The following SPOCK1 variants were observed in gnomAD, a reference collection of about 807,000 sequenced individuals.
SPOCK1 encodes SPARC (osteonectin), cwcv and kazal like domains proteoglycan 1.
SPOCK1 carries 23 observed loss-of-function variants against 55.3 expected under a neutral mutation model. That is an observed-to-expected ratio of 0.42 (90% CI 0.30 to 0.59). The LOEUF is 0.59. SPOCK1 is among the 20% of genes least tolerant of loss of function. The probability of loss-of-function intolerance (pLI) is 0.22; values close to 1 mark genes in which losing one functional copy is unlikely to be tolerated. For missense variants in SPOCK1, 499 were observed against 552.5 expected, an observed-to-expected ratio of 0.90 and a Z score of 0.97; for synonymous variants, 226 against 221.0, an observed-to-expected ratio of 1.02 and a Z score of -0.20.
chr5:137,133,523 T>C (rs1753923669), intron 4 of SPOCK1, among the ~76,000 whole-genome samples: 1 of 152,228 alleles, frequency 6.6e-6, no homozygotes, highest in South Asian at 2.1e-4. Flanking sequence ...AATTGCTTTT[T>C]ACTCTCTGCT....
chr5:137,238,836 T>C (rs960130735), intron 3 of SPOCK1, among the ~76,000 whole-genome samples: 1 of 152,258 alleles, frequency 6.6e-6, no homozygotes, highest in African/African-American at 2.4e-5. Flanking sequence ...GATAGTGAGA[T>C]ATACACTTGA....
chr5:137,140,597 G>A lies in SPOCK1; in HGVS notation c.330C>T (p.Arg110=). ...TGCCTTACCTGGGGAGCAGGTGCTTGCGGCTGACACACAGGGCGGTCTGGT... is the reference window on the plus strand; with the variant it reads ...TGCCTTACCTGGGGAGCAGGTGCTTACGGCTGACACACAGGGCGGTCTGGT... ...QDYQTALCVS[R]KHLLPRQKKG... Residue 110 remains arginine, a synonymous_variant, in exon 4 of 11, where the codon CGC becomes CGT. Coordinates refer to ENST00000394945, the MANE Select transcript of SPOCK1 (RefSeq NM_004598.4). The A allele has an allele frequency of 6.2e-7, 1 of 1,613,544 alleles. No individual in the cohort carries two copies. The highest frequency in any genetic ancestry group is 8.5e-7 in the Non-Finnish European group (1 of 1,179,806).
intron 3 of SPOCK1, among the ~76,000 whole-genome samples, chr5:137,205,699 A>G (rs546923577): frequency 1.3e-5 from 2 of 152,342 alleles, no homozygotes; most frequent in East Asian, 3.9e-4. Flanking sequence ...TGAAGGTCAA[A>G]CAACATTTCT....
At chr5:137,294,084 T>C (rs1337416058) in intron 2 of SPOCK1, among the ~76,000 whole-genome samples, 1 of 152,204 alleles carries the variant, frequency 6.6e-6, no homozygotes, top group Non-Finnish European at 1.5e-5. Flanking sequence ...AATGACCTCT[T>C]GAAATATCAC....
At chr5:137,041,732 C>A (rs985367734) in intron 6 of SPOCK1, among the ~76,000 whole-genome samples, 6 of 152,142 alleles carry the variant, frequency 3.9e-5, no homozygotes, top group Non-Finnish European at 2.9e-5. Context: ...TAGGGAAATA[C>A]AAATTCAAAC....
intron 6 of SPOCK1, among the ~76,000 whole-genome samples, chr5:137,055,972 C>G (rs905786591): frequency 6.6e-6 from 1 of 152,162 alleles, no homozygotes; most frequent in Non-Finnish European, 1.5e-5. Context: ...ACCTAAGTCA[C>G]CTACAAAACC....
intron 2 of SPOCK1, among the ~76,000 whole-genome samples, chr5:137,315,981 C>T (rs962799788): frequency 6.6e-6 from 1 of 152,104 alleles, no homozygotes; most frequent in African/African-American, 2.4e-5. Flanking sequence ...AGAGGTGAGC[C>T]GCTAGTTGTT....
intron 3 of SPOCK1, among the ~76,000 whole-genome samples, chr5:137,200,927 G>T (rs1755414104): frequency 2.0e-5 from 3 of 152,336 alleles, no homozygotes; most frequent in South Asian, 4.1e-4. Context: ...GAATTGAAAA[G>T]TTGGGCCAGT....
intron 3 of SPOCK1, among the ~76,000 whole-genome samples, chr5:137,209,176 T>C (rs945218768): frequency 2.6e-5 from 4 of 152,192 alleles, no homozygotes; most frequent in Non-Finnish European, 5.9e-5. Flanking sequence ...TGTAGCCTCT[T>C]GAATGTGGCA....
At chr5:137,498,609 A>T in intron 1 of SPOCK1, 51 bp from the exon 2 acceptor site, 1 of 1,255,934 alleles carries the variant, frequency 8.0e-7, no homozygotes, top group Non-Finnish European at 1.0e-6. Context: ...GGCGGCCGCG[A>T]GCCCCGGGCA....
At chr5:137,364,148 C>T (rs1751007982) in intron 2 of SPOCK1, among the ~76,000 whole-genome samples, 1 of 152,202 alleles carries the variant, frequency 6.6e-6, no homozygotes, top group African/African-American at 2.4e-5. Context: ...GAATACCCAG[C>T]CTGCCCCTTC....
At chr5:137,404,151 CAT>C (rs1475709809) in intron 2 of SPOCK1, among the ~76,000 whole-genome samples, 1 of 152,100 alleles carries the variant, frequency 6.6e-6, no homozygotes, top group African/African-American at 2.4e-5. Flanking sequence ...CTCAAATGCG[CAT>C]ATGTGGCCAA....
At chr5:137,105,819 T>C (rs1753353577) in intron 5 of SPOCK1, among the ~76,000 whole-genome samples, 1 of 152,166 alleles carries the variant, frequency 6.6e-6, no homozygotes, top group Non-Finnish European at 1.5e-5. Context: ...CGAGACATAA[T>C]TGAGCCATTT....
chr5:137,248,482 T>A (rs780086610), intron 3 of SPOCK1, among the ~76,000 whole-genome samples: 2 of 152,234 alleles, frequency 1.3e-5, no homozygotes, highest in Non-Finnish European at 2.9e-5. Flanking sequence ...AAGCAACAGC[T>A]ACTTCTGTGG....
At chr5:136,984,267 A>T (rs1367740356) in intron 9 of SPOCK1, among the ~76,000 whole-genome samples, 1 of 152,224 alleles carries the variant, frequency 6.6e-6, no homozygotes, top group Non-Finnish European at 1.5e-5. Flanking sequence ...CCTACATTTG[A>T]CAATCTGCAA....
intron 5 of SPOCK1, among the ~76,000 whole-genome samples, chr5:137,102,353 C>G (rs1753287219): frequency 6.6e-6 from 1 of 152,062 alleles, no homozygotes; most frequent in Non-Finnish European, 1.5e-5. Context: ...AGGCTGGGAG[C>G]AAGTGAATCT....
chr5:137,371,612 T>C (rs1200388393), intron 2 of SPOCK1, among the ~76,000 whole-genome samples: 1 of 152,160 alleles, frequency 6.6e-6, no homozygotes, highest in Non-Finnish European at 1.5e-5. Flanking sequence ...GGATTACTTA[T>C]AACACCAGAG....
At chr5:137,481,655 G>A (rs753467171) in intron 2 of SPOCK1, among the ~76,000 whole-genome samples, 1 of 152,212 alleles carries the variant, frequency 6.6e-6, no homozygotes. Context: ...ATCTTAAAAG[G>A]TTACTCCAGA....
intron 3 of SPOCK1, among the ~76,000 whole-genome samples, chr5:137,149,083 C>T (rs182341346): frequency 3.9e-5 from 6 of 152,266 alleles, no homozygotes; most frequent in East Asian, 1.9e-4. Context: ...TACAAAAGTG[C>T]GAGCTGCTTT....
Sources: allele counts gnomAD v4.1 joint callset (sites outside exome capture counted in the v4.1 genomes callset), GRCh38; gene constraint gnomAD v4.1.1; transcripts MANE v1.5; gene names NCBI Gene and HGNC (gene_info 2026-07-23, HGNC 2026-07-21).